CDK17: variants seen among roughly 807,000 people sequenced by gnomAD.
The protein encoded by CDK17 is cyclin dependent kinase 17, also known as cyclin-dependent kinase 17.
A neutral mutation model predicts 77.6 loss-of-function variants in CDK17; 24 were observed. That is an observed-to-expected ratio of 0.31 (90% CI 0.22 to 0.44). CDK17 has a LOEUF of 0.44. CDK17 is among the 20% of genes least tolerant of loss of function. The pLI, the probability that CDK17 is intolerant of heterozygous loss-of-function variation, is 1.00. For synonymous variants in CDK17, 203 were observed against 210.4 expected (o/e 0.96, Z 0.30); for missense variants, 429 against 622.5 (o/e 0.69, Z 3.31).
At chr12:96,340,648 G>A (rs1167425502) in intron 1 of CDK17, among the ~76,000 whole-genome samples, 1 of 152,126 alleles carries the variant, frequency 6.6e-6, no homozygotes, top group Non-Finnish European at 1.5e-5. Flanking sequence ...AGGCACATAT[G>A]CTAAACTAAA....
In CDK17 at chr12:96,317,757, T is replaced by C. The variant is rs554990405; in HGVS notation, c.284-4303A>G. On this transcript the variant is annotated intron_variant, in intron 3 of 16. Transcript: ENST00000261211. ...ACAGACAAGCAAATGCTGAGAGATT[T>C]TGTCACCACCAGGCCTGCCCTAAAA... 1.3e-3 allele frequency among the ~76,000 whole-genome samples: 197 copies of C among 147,128 alleles called. 1 individual carries two copies. The highest frequency in any genetic ancestry group is 4.7e-3 in the African/African-American group (190 of 40,184).
At chr12:96,300,165 T>C in intron 6 of CDK17, 139 bp downstream of exon 6, 1 of 630,892 alleles carries the variant, frequency 1.6e-6, no homozygotes, top group Non-Finnish European at 2.8e-6. Flanking sequence ...GAAACTCTGT[T>C]ACCTTTCCAG....
At chr12:96,392,445 A>T (rs951154872) in intron 1 of CDK17, among the ~76,000 whole-genome samples, 3 of 152,210 alleles carry the variant, frequency 2.0e-5, no homozygotes, top group African/African-American at 7.2e-5. Flanking sequence ...ATGGGACAAA[A>T]CTGGAGCCAG....
intron 6 of CDK17, among the ~76,000 whole-genome samples, chr12:96,299,792 A>G (rs1174076560): frequency 6.6e-6 from 1 of 152,140 alleles, no homozygotes; most frequent in Non-Finnish European, 1.5e-5. Context: ...GACAGCCCTC[A>G]AGCTCCTTTA....
chr12:96,380,752 T>C (rs1953865963), intron 1 of CDK17, among the ~76,000 whole-genome samples: 1 of 152,176 alleles, frequency 6.6e-6, no homozygotes, highest in Non-Finnish European at 1.5e-5. Context: ...GCCTAAAAAG[T>C]GTTCAACAGC....
At chr12:96,380,221 T>C (rs1360210739) in intron 1 of CDK17, among the ~76,000 whole-genome samples, 3 of 148,730 alleles carry the variant, frequency 2.0e-5, no homozygotes, top group Non-Finnish European at 4.5e-5. Context: ...CCAGTAATTC[T>C]CATGTCTCTG....
chr12:96,348,226 G>GA (rs542526843), intron 1 of CDK17, among the ~76,000 whole-genome samples: 1 of 151,172 alleles, frequency 6.6e-6, no homozygotes, highest in Non-Finnish European at 1.5e-5. Context: ...AAAGAATAGA[G>GA]AAAAAACAAA....
chr12:96,301,822 T>C (rs1429881285), intron 5 of CDK17, among the ~76,000 whole-genome samples: 1 of 152,162 alleles, frequency 6.6e-6, no homozygotes, highest in African/African-American at 2.4e-5. Flanking sequence ...TCACTTACCA[T>C]TTCAGACAAT....
At chr12:96,318,149 C>T (rs1478601264) in intron 3 of CDK17, among the ~76,000 whole-genome samples, 2 of 149,556 alleles carry the variant, frequency 1.3e-5, no homozygotes, top group Non-Finnish European at 3.0e-5. Flanking sequence ...GGTTGCAATC[C>T]TAGTCTCTGA....
intron 1 of CDK17, chr12:96,335,144 A>C (rs930416649): frequency 4.1e-5 from 19 of 461,702 alleles, no homozygotes; most frequent in Non-Finnish European, 6.9e-5. Context: ...AAATTTTCTT[A>C]AAATGTGTAT....
At chr12:96,315,326 A>G (rs117165918) in intron 3 of CDK17, among the ~76,000 whole-genome samples, 3,254 of 152,322 alleles carry the variant, frequency 0.021, 66 homozygotes, top group Non-Finnish European at 0.034. Flanking sequence ...ACTCAATATT[A>G]AGAAAACTCC....
intron 3 of CDK17, among the ~76,000 whole-genome samples, chr12:96,316,255 A>G (rs1952715416): frequency 6.6e-6 from 1 of 152,146 alleles, no homozygotes; most frequent in African/African-American, 2.4e-5. Flanking sequence ...GACCGGCTTA[A>G]AAAACGGCGC....
chr12:96,352,619 TA>T lies in CDK17; in HGVS notation c.-29-17755del, dbSNP rs1461469662. On this transcript the variant is annotated intron_variant, in intron 1 of 16. Coordinates refer to ENST00000261211, the MANE Select transcript of CDK17 (RefSeq NM_002595.5). ...ATACCAGTGGTAAACTAAAGACAAC[TA>T]AAACTGCAACAAGGTCCCATCCCAA... 2.0e-5 allele frequency among the ~76,000 whole-genome samples: 3 copies of T among 152,160 alleles called. No individual in the cohort carries two copies. The East Asian group carries it at 5.8e-4, about 29-fold the overall frequency.
At chr12:96,285,854 T>C (rs1032463908) in intron 13 of CDK17, 189 bp downstream of exon 13, 5 of 335,584 alleles carry the variant, frequency 1.5e-5, no homozygotes, top group African/African-American at 8.7e-5. Context: ...ATGTCTTCTT[T>C]CTGGGAAAAG....
intron 4 of CDK17, 65 bp downstream of exon 4, chr12:96,313,256 G>A: frequency 7.7e-7 from 1 of 1,292,496 alleles, no homozygotes; most frequent in Non-Finnish European, 1.0e-6. Context: ...CACTTGATAT[G>A]TATGTGTATT....
chr12:96,364,601 C>G (rs546582426), intron 1 of CDK17, among the ~76,000 whole-genome samples: 41 of 152,232 alleles, frequency 2.7e-4, no homozygotes, highest in East Asian at 1.7e-3. Context: ...CTGCTCTGTT[C>G]TTTTCCCATC....
Position 96,280,259 on chromosome 12 carries a change from G to T in CDK17, c.1555C>A (p.Gln519Lys), listed in dbSNP as rs1295331244. ...TATCAGACTTAAAAGAGCATGCTCT[G>T]TCTTCTGTTCTTCCCATGTCCTAAA... ...PETGHGKNRR[Q>K]SMLF The change falls in exon 17 of 17, where the codon CAG (glutamine) becomes AAG (lysine). Residue 519 changes from glutamine (Q) to lysine (K), a missense_variant. By Grantham distance (53) the Gln-to-Lys change is moderately conservative. Around this residue, in one of 4 missense-constraint regions of CDK17, gnomAD observed 115 missense variants for 124.2 expected, o/e 0.93. Coordinates refer to ENST00000261211, the MANE Select transcript of CDK17 (RefSeq NM_002595.5). 31 of 1,551,172 alleles carry T rather than the reference G, an allele frequency of 2.0e-5. No homozygotes were observed. The highest frequency in any genetic ancestry group is 2.6e-5 in the Non-Finnish European group (30 of 1,146,782).
At chr12:96,349,960 T>C (rs1953286378) in intron 1 of CDK17, among the ~76,000 whole-genome samples, 1 of 152,246 alleles carries the variant, frequency 6.6e-6, no homozygotes, top group South Asian at 2.1e-4. Context: ...AAATCAGTTG[T>C]ATTTCTATAG....
rs765493317 is a variant in CDK17 at position 96,279,469 on chromosome 12, G to GT, written c.*772dup. On this transcript the variant is annotated 3_prime_UTR_variant, in exon 17 of 17. Transcript: ENST00000261211. ...AAATTTAAAACACAATGTAAAATAG[G>GT]TAAGTGTATTAGTATACAAATATCC... 5 of 152,178 alleles carry GT rather than the reference G, an allele frequency of 3.3e-5. No homozygotes were observed. The highest frequency in any genetic ancestry group is 7.2e-5 in the African/African-American group (3 of 41,448). The allele number at this position is 152,178 out of a possible 1,614,324, so 9.4% of individuals were successfully genotyped here.
Sources: gnomAD v4.1 joint callset for allele counts (sites outside exome capture counted in the v4.1 genomes callset) on GRCh38, gnomAD v4.1.1 for gene constraint, gnomAD v4.1.1 regional missense constraint, MANE v1.5 for transcripts, NCBI Gene and HGNC (gene_info 2026-07-23, HGNC 2026-07-21) for gene names.